DENND2C: variants seen among roughly 807,000 people sequenced by gnomAD.
DENND2C encodes DENN domain containing 2C, also known as DENN domain-containing protein 2C.
Under a neutral mutation model 112.4 loss-of-function variants are expected in DENND2C, and 72 were observed. That is an observed-to-expected ratio of 0.64 (90% CI 0.53 to 0.78). The LOEUF (loss-of-function observed/expected upper bound fraction) is 0.78. Ranked by LOEUF, DENND2C falls within the 30% of genes least tolerant of loss-of-function variation. The probability of loss-of-function intolerance (pLI) is 0.00; values close to 1 mark genes in which losing one functional copy is unlikely to be tolerated. For missense variants in DENND2C, 992 were observed against 1,113.8 expected (o/e 0.89, Z 1.56); for synonymous variants, 329 against 381.6 (o/e 0.86, Z 1.61).
At chr1:114,638,222 T>C (rs1329875567) in intron 3 of DENND2C, among the ~76,000 whole-genome samples, 2 of 151,908 alleles carry the variant, frequency 1.3e-5, no homozygotes, top group African/African-American at 4.8e-5. Context: ...TAGGTATCTA[T>C]CTGTAAAAAA....
At chr1:114,649,340 C>T (rs1657092906) in intron 2 of DENND2C, among the ~76,000 whole-genome samples, 1 of 152,134 alleles carries the variant, frequency 6.6e-6, no homozygotes, top group Non-Finnish European at 1.5e-5. Flanking sequence ...ACACAAATTG[C>T]TTCAAAACAA....
chr1:114,613,441 CATA>C (rs1330052983), intron 8 of DENND2C, among the ~76,000 whole-genome samples: 7 of 152,062 alleles, frequency 4.6e-5, no homozygotes, highest in African/African-American at 1.7e-4. Context: ...GGGAAAGACA[CATA>C]AGAGATGTTA....
At chr1:114,606,768 C>CTGGGTT (rs1655666426) in intron 10 of DENND2C, among the ~76,000 whole-genome samples, 6 of 152,314 alleles carry the variant, frequency 3.9e-5, no homozygotes, top group Middle Eastern at 3.4e-3. Context: ...CACCCAGGTG[C>CTGGGTT]TGCAGTCTGC....
chr1:114,640,736 A>T (rs1026144620), intron 3 of DENND2C, among the ~76,000 whole-genome samples: 1 of 152,268 alleles, frequency 6.6e-6, no homozygotes, highest in Non-Finnish European at 1.5e-5. Context: ...GCTTTTACAC[A>T]TCAACACAGA....
chr1:114,649,949 T>C (rs1012135257), intron 2 of DENND2C, among the ~76,000 whole-genome samples: 1 of 152,234 alleles, frequency 6.6e-6, no homozygotes, highest in Admixed American at 6.5e-5. Context: ...TTCTGTTTTT[T>C]AAGCACATTT....
intron 3 of DENND2C, among the ~76,000 whole-genome samples, chr1:114,642,882 A>G (rs1363508641): frequency 6.6e-6 from 1 of 152,242 alleles, no homozygotes; most frequent in Non-Finnish European, 1.5e-5. Context: ...TACACCATGT[A>G]CTTTCAAGAT....
At chr1:114,632,326 G>A (rs1441826929) in intron 3 of DENND2C, among the ~76,000 whole-genome samples, 1 of 151,884 alleles carries the variant, frequency 6.6e-6, no homozygotes, top group Admixed American at 6.6e-5. Context: ...CCCCAAACAG[G>A]ATAAACACAA....
At chr1:114,661,165 G>C (rs116928274) in intron 1 of DENND2C, among the ~76,000 whole-genome samples, 1 of 146,458 alleles carries the variant, frequency 6.8e-6, no homozygotes, top group East Asian at 2.0e-4. Context: ...CTACCTAAAA[G>C]CACAGTACAA....
chr1:114,611,169 A>G, intron 8 of DENND2C, 52 bp from the exon 9 acceptor site: 1 of 1,603,108 alleles, frequency 6.2e-7, no homozygotes, highest in Non-Finnish European at 8.5e-7. Flanking sequence ...TAGGAAGTAC[A>G]TGAGGATGAG....
chr1:114,646,827 T>C (rs1421854771), intron 2 of DENND2C, among the ~76,000 whole-genome samples: 1 of 152,148 alleles, frequency 6.6e-6, no homozygotes, highest in Non-Finnish European at 1.5e-5. Context: ...GACTTACACA[T>C]GCATTAGCTT....
chr1:114,587,272 C>T, intron 20 of DENND2C, 115 bp downstream of exon 20: 3 of 1,148,488 alleles, frequency 2.6e-6, no homozygotes, highest in Non-Finnish European at 3.9e-6. Flanking sequence ...GTCTCAAACT[C>T]CTGGCCTCAA....
chr1:114,627,239 T>C (rs1656368642), intron 3 of DENND2C, among the ~76,000 whole-genome samples: 1 of 152,210 alleles, frequency 6.6e-6, no homozygotes, highest in African/African-American at 2.4e-5. Context: ...ATATGTAAGC[T>C]TCAGCGGAAA....
At chr1:114,585,700 G>T in intron 20 of DENND2C, 69 bp from the exon 21 acceptor site, 2 of 1,496,926 alleles carry the variant, frequency 1.3e-6, no homozygotes, top group Non-Finnish European at 1.9e-6. Flanking sequence ...TTGAGGTAAG[G>T]GATTAACAGG....
intron 3 of DENND2C, among the ~76,000 whole-genome samples, chr1:114,628,749 A>ATCTG: frequency 6.6e-6 from 1 of 152,344 alleles, no homozygotes; most frequent in South Asian, 2.1e-4. Flanking sequence ...GGAACCTCAC[A>ATCTG]TCTGTCCCTT....
At chr1:114,643,031 T>C (rs549836245) in intron 3 of DENND2C, among the ~76,000 whole-genome samples, 2 of 152,346 alleles carry the variant, frequency 1.3e-5, no homozygotes, top group South Asian at 4.1e-4. Context: ...AATACCTGTG[T>C]ATGTCTTTGC....
At chr1:114,646,311 T>C (rs1336959308) in intron 2 of DENND2C, among the ~76,000 whole-genome samples, 1 of 152,196 alleles carries the variant, frequency 6.6e-6, no homozygotes, top group African/African-American at 2.4e-5. Flanking sequence ...CAACCACTTG[T>C]CATTACAGAA....
At chr1:114,660,094 T>C (rs890185341) in intron 1 of DENND2C, among the ~76,000 whole-genome samples, 3 of 152,156 alleles carry the variant, frequency 2.0e-5, no homozygotes, top group African/African-American at 7.2e-5. Flanking sequence ...CTGACTGAGA[T>C]TGCCTCTCAG....
At chr1:114,655,628 C>T (rs930341938) in intron 1 of DENND2C, among the ~76,000 whole-genome samples, 6 of 151,844 alleles carry the variant, frequency 4.0e-5, no homozygotes, top group African/African-American at 4.8e-5. Context: ...GGATTACAGG[C>T]GCCCACCACC....
intron 7 of DENND2C, among the ~76,000 whole-genome samples, chr1:114,620,095 A>G (rs1420746522): frequency 1.3e-5 from 2 of 152,220 alleles, no homozygotes; most frequent in African/African-American, 2.4e-5. Flanking sequence ...ACTGTGAAGC[A>G]GTTTCCCTTC....
Sources: gnomAD v4.1 joint callset for allele counts (sites outside exome capture counted in the v4.1 genomes callset) on GRCh38, gnomAD v4.1.1 for gene constraint, MANE v1.5 for transcripts, NCBI Gene and HGNC (gene_info 2026-07-23, HGNC 2026-07-21) for gene names.